TRHDE: variants seen among roughly 807,000 people sequenced by gnomAD.
The protein encoded by TRHDE is thyrotropin releasing hormone degrading enzyme, also known as thyrotropin-releasing hormone-degrading ectoenzyme.
Under a neutral mutation model 125.7 loss-of-function variants are expected in TRHDE, and 72 were observed. The observed-to-expected ratio is 0.57, with a 90% CI of 0.47 to 0.70. TRHDE has a LOEUF of 0.70. TRHDE is among the 30% of genes least tolerant of loss of function. The pLI, the probability that TRHDE is intolerant of heterozygous loss-of-function variation, is 0.00. For synonymous variants in TRHDE, 509 were observed against 509.1 expected (o/e 1.00, Z 0.00); for missense variants, 1,110 against 1,327.1 (o/e 0.84, Z 2.54).
At chr12:72,198,083 G>T (rs989340302) in intron 2 of TRHDE, among the ~76,000 whole-genome samples, 1 of 151,454 alleles carries the variant, frequency 6.6e-6, no homozygotes, top group South Asian at 2.1e-4. Context: ...TTTTGTGTCT[G>T]GCTTCTTTCA....
At chr12:72,396,914 G>A (rs1872816456) in intron 3 of TRHDE, among the ~76,000 whole-genome samples, 1 of 151,984 alleles carries the variant, frequency 6.6e-6, no homozygotes, top group Admixed American at 6.6e-5. Context: ...GGACTCCTTG[G>A]TCTCTTCTTT....
chr12:72,351,722 A>T (rs1870590735), intron 2 of TRHDE, among the ~76,000 whole-genome samples: 1 of 151,862 alleles, frequency 6.6e-6, no homozygotes, highest in Non-Finnish European at 1.5e-5. Flanking sequence ...CTAAATTAGA[A>T]CCTTCTTTCC....
chr12:72,188,233 A>C (rs1478316519), intron 2 of TRHDE, among the ~76,000 whole-genome samples: 1 of 152,246 alleles, frequency 6.6e-6, no homozygotes, highest in East Asian at 1.9e-4. Flanking sequence ...TTTAGTAATC[A>C]GTAGTTCCAA....
chr12:72,659,929 A>G (rs1028424323), intron 18 of TRHDE, among the ~76,000 whole-genome samples: 8 of 152,152 alleles, frequency 5.3e-5, no homozygotes, highest in African/African-American at 1.7e-4. Context: ...AGACAAAGAG[A>G]TAAAGAGAAA....
At chr12:72,635,368 ATTTG>A (rs1873692347) in intron 15 of TRHDE, among the ~76,000 whole-genome samples, 1 of 151,912 alleles carries the variant, frequency 6.6e-6, no homozygotes, top group Non-Finnish European at 1.5e-5. Flanking sequence ...TTTCTTGTAA[ATTTG>A]TTTGAGTTCA....
At chr12:72,391,770 G>A (rs1178930054) in intron 3 of TRHDE, among the ~76,000 whole-genome samples, 2 of 152,066 alleles carry the variant, frequency 1.3e-5, no homozygotes, top group African/African-American at 2.4e-5. Flanking sequence ...TATGAAACTT[G>A]ATGAGCCAAA....
chr12:72,223,876 C>T (rs1287371271), intron 2 of TRHDE, among the ~76,000 whole-genome samples: 2 of 151,812 alleles, frequency 1.3e-5, no homozygotes, highest in African/African-American at 4.8e-5. Flanking sequence ...CACCCTTGGC[C>T]AGGTAGAGAT....
intron 13 of TRHDE, among the ~76,000 whole-genome samples, chr12:72,619,636 CT>C (rs1872962534): frequency 6.6e-6 from 1 of 152,162 alleles, no homozygotes; most frequent in African/African-American, 2.4e-5. Flanking sequence ...CAAAATTACA[CT>C]GCTCATGCCA....
At chr12:72,108,292 T>G (rs559906005) in intron 2 of TRHDE, among the ~76,000 whole-genome samples, 17 of 152,216 alleles carry the variant, frequency 1.1e-4, no homozygotes, top group African/African-American at 3.8e-4. Flanking sequence ...ATTTTGTTGT[T>G]GTGGTGAATA....
At chr12:72,436,970 T>G (rs534821033) in intron 3 of TRHDE, among the ~76,000 whole-genome samples, 53 of 151,884 alleles carry the variant, frequency 3.5e-4, no homozygotes, top group Non-Finnish European at 7.1e-4. Context: ...TTTTCAAGTA[T>G]TTATATTTTC....
At chr12:72,662,688 T>C (rs1426948842) in intron 18 of TRHDE, among the ~76,000 whole-genome samples, 3 of 152,156 alleles carry the variant, frequency 2.0e-5, no homozygotes, top group East Asian at 1.9e-4. Context: ...TGTATACACA[T>C]TGAAGTTAGA....
At chr12:72,439,088 G>A (rs904182878) in intron 3 of TRHDE, among the ~76,000 whole-genome samples, 1 of 151,846 alleles carries the variant, frequency 6.6e-6, no homozygotes, top group African/African-American at 2.4e-5. Flanking sequence ...TGGTGCCTTT[G>A]TTGAATGTCA....
At position 72,365,767 on chromosome 12, in the gene TRHDE, G is replaced by A. The variant is rs74682934; in HGVS notation, c.1189-12228G>A. Among the ~76,000 whole-genome samples the A allele has an allele frequency of 1.1e-3, 174 of 152,288 alleles. 2 individuals carry two copies. Among genetic ancestry groups the A allele is most frequent in the African/African-American group, 4.0e-3 (165 of 41,558 alleles). ...TATAATATATTAGCTTCCCATTGCA[G>A]CCGTAAGAAATTTTTGCAAATTCAG... is the stretch of plus-strand genomic sequence containing the variant. On this transcript the variant is annotated intron_variant, in intron 2 of 18. Transcript: ENST00000261180.
chr12:72,604,367 A>G (rs1418013353), intron 12 of TRHDE, among the ~76,000 whole-genome samples: 1 of 152,068 alleles, frequency 6.6e-6, no homozygotes, highest in Admixed American at 6.5e-5. Context: ...CTGTCATTTT[A>G]TCTAAAACTG....
chr12:72,440,921 A>G (rs149832788), intron 3 of TRHDE, among the ~76,000 whole-genome samples: 1 of 152,070 alleles, frequency 6.6e-6, no homozygotes, highest in Non-Finnish European at 1.5e-5. Flanking sequence ...TGCACATTCA[A>G]AATGGATATT....
intron 2 of TRHDE, among the ~76,000 whole-genome samples, chr12:72,116,662 T>C (rs538914776): frequency 5.9e-5 from 9 of 152,348 alleles, no homozygotes; most frequent in Non-Finnish European, 1.0e-4. Context: ...ATGTCTTCTT[T>C]TGAGAAGTGT....
At chr12:72,098,934 C>T (rs1875001271) in intron 1 of TRHDE, among the ~76,000 whole-genome samples, 1 of 152,120 alleles carries the variant, frequency 6.6e-6, no homozygotes, top group Non-Finnish European at 1.5e-5. Flanking sequence ...GGGAGGCTGG[C>T]ACTTTGGATC....
At chr12:72,507,095 G>A (rs1878386908) in intron 6 of TRHDE, among the ~76,000 whole-genome samples, 1 of 152,098 alleles carries the variant, frequency 6.6e-6, no homozygotes, top group East Asian at 1.9e-4. Context: ...GTGTTTGTAA[G>A]TTTCCTGAGG....
At chr12:72,261,814 A>G (rs1266311679) in intron 2 of TRHDE, among the ~76,000 whole-genome samples, 2 of 152,232 alleles carry the variant, frequency 1.3e-5, no homozygotes, top group Non-Finnish European at 2.9e-5. Flanking sequence ...GGGAATTGAA[A>G]AATTCAAAGT....
Sources: allele counts gnomAD v4.1 joint callset (sites outside exome capture counted in the v4.1 genomes callset), GRCh38; gene constraint gnomAD v4.1.1; transcripts MANE v1.5; gene names NCBI Gene and HGNC (gene_info 2026-07-23, HGNC 2026-07-21).